The following GCSAML variants were observed in gnomAD, a reference collection of about 807,000 sequenced individuals.
GCSAML encodes germinal center associated signaling and motility like, also known as germinal center-associated signaling and motility-like protein.
GCSAML carries 9 observed loss-of-function variants against 13.0 expected under a neutral mutation model. The observed-to-expected ratio is 0.69, with a 90% confidence interval of 0.42 to 1.21. The LOEUF is 1.21. GCSAML is among the 50% of genes most tolerant of loss of function. The pLI is 0.00. For missense variants in GCSAML, 143 were observed against 153.4 expected (o/e 0.93, Z 0.36); for synonymous variants, 37 against 52.9 (o/e 0.70, Z 1.31).
At chr1:247,562,647 T>C (rs981425675) in intron 2 of GCSAML, among the ~76,000 whole-genome samples, 2 of 152,118 alleles carry the variant, frequency 1.3e-5, no homozygotes, top group African/African-American at 4.8e-5. Flanking sequence ...GGCAGCTGAT[T>C]ACAAGTTATA....
chr1:247,569,256 G>C lies in GCSAML; in HGVS notation c.168+3297G>C, dbSNP rs185397228. 1.2e-3 allele frequency among the ~76,000 whole-genome samples: 176 copies of C among 152,276 alleles called. 2 individuals carry two copies. The highest frequency in any genetic ancestry group is 0.011 in the Admixed American group (161 of 15,296). The stretch of plus-strand genomic sequence containing the variant: ...CCCAATACTATGTTGAATAGGAGTG[G>C]AGAGAGAGGGCATACTTTTCTTGTG... On this transcript the variant is annotated intron_variant, in intron 4 of 4. Transcript: ENST00000366488.
chr1:247,563,056 G>T (rs980775228), intron 2 of GCSAML, among the ~76,000 whole-genome samples: 5 of 149,488 alleles, frequency 3.3e-5, no homozygotes, highest in Non-Finnish European at 5.9e-5. Flanking sequence ...CACCGTGTTG[G>T]CCAGGAAGGT....
At chr1:247,520,604 C>T (rs1666380748) in intron 1 of GCSAML, among the ~76,000 whole-genome samples, 1 of 152,116 alleles carries the variant, frequency 6.6e-6, no homozygotes, top group Admixed American at 6.5e-5. Context: ...CTACAAACTT[C>T]CCAGAAGTTA....
chr1:247,519,697 G>A (rs1666349068), intron 1 of GCSAML, among the ~76,000 whole-genome samples: 1 of 152,248 alleles, frequency 6.6e-6, no homozygotes, highest in Non-Finnish European at 1.5e-5. Context: ...GTGTATATGT[G>A]TGTGTGAAAT....
At chr1:247,550,672 T>C (rs1404243882) in intron 1 of GCSAML, among the ~76,000 whole-genome samples, 1 of 151,666 alleles carries the variant, frequency 6.6e-6, no homozygotes, top group East Asian at 1.9e-4. Context: ...TGCTTAAGGG[T>C]TCATGGATGG....
chr1:247,539,761 A>G (rs1190996217), intron 2 of GCSAML, among the ~76,000 whole-genome samples: 2 of 152,176 alleles, frequency 1.3e-5, no homozygotes, highest in African/African-American at 4.8e-5. Flanking sequence ...CCAGATTACA[A>G]TCATTTTTAC....
chr1:247,535,431 A>G (rs1284700940), intron 2 of GCSAML, among the ~76,000 whole-genome samples: 1 of 152,244 alleles, frequency 6.6e-6, no homozygotes, highest in Non-Finnish European at 1.5e-5. Context: ...AGAGTTAGGT[A>G]CAACTGAGTC....
chr1:247,520,042 T>G (rs12727848), intron 1 of GCSAML, among the ~76,000 whole-genome samples: 21,944 of 152,200 alleles, frequency 0.14, 1,688 homozygotes, highest in South Asian at 0.24. Flanking sequence ...ATTTTAAGAT[T>G]TAGTGGCAAG....
intron 2 of GCSAML, chr1:247,531,610 G>A: frequency 6.2e-7 from 1 of 1,614,116 alleles, no homozygotes; most frequent in Non-Finnish European, 8.5e-7. Context: ...GTGCCGGAGG[G>A]CGCTCTTCAC....
chr1:247,574,191 A>C lies in GCSAML; in HGVS notation c.217A>C (p.Asn73His), dbSNP rs115796168. 6.8e-3 allele frequency: 10,973 copies of C among 1,613,994 alleles called. 52 individuals carry two copies. Among genetic ancestry groups the C allele is most frequent in the Non-Finnish European group, 8.2e-3 (9,658 of 1,179,846 alleles). Residue 73 changes from asparagine (N) to histidine (H), a missense_variant, in exon 5 of 5, where the codon AAT (asparagine) becomes CAT (histidine). By Grantham distance (68) the Asn-to-His change is moderately conservative. Coordinates refer to ENST00000366488, the MANE Select transcript of GCSAML (RefSeq NM_145278.5). ...TGAAGAAGTGTGCTACACTGTCATTAATCACATCCCCCATCAGAGATCCTC... is the reference window on the plus strand; with the variant it reads ...TGAAGAAGTGTGCTACACTGTCATTCATCACATCCCCCATCAGAGATCCTC... ...GSEEVCYTVI[N>H]HIPHQRSSLS...
At chr1:247,532,379 T>G in intron 2 of GCSAML, 1 of 1,614,152 alleles carries the variant, frequency 6.2e-7, no homozygotes, top group Non-Finnish European at 8.5e-7. Flanking sequence ...AGAATGATGA[T>G]GCCATTGCCC....
chr1:247,548,123 T>C (rs1052270037), upstream of GCSAML, among the ~76,000 whole-genome samples: 1 of 152,234 alleles, frequency 6.6e-6, no homozygotes, highest in African/African-American at 2.4e-5. This position sits in a 1 kb window ranked among gnomAD's most constrained non-coding sequence, Gnocchi z 5.3. Flanking sequence ...GAGCATATAG[T>C]TTCTGATTTC....
rs900855058 is a variant in GCSAML, at chr1:247,576,362, C to G, written c.*1980C>G. 6.6e-6 allele frequency: 1 copy of G among 152,110 alleles called. No individual in the cohort carries two copies. Among genetic ancestry groups the G allele is most frequent in the African/African-American group, 2.4e-5 (1 of 41,396 alleles). 9.4% of individuals were successfully genotyped at this position (152,110 alleles called of 1,614,324 possible). A position where few individuals can be genotyped will look rare whatever the true frequency, so the allele number is the denominator to read the frequency against. On this transcript the variant is annotated 3_prime_UTR_variant, in exon 5 of 5. Coordinates refer to ENST00000366488, the MANE Select transcript of GCSAML (RefSeq NM_145278.5). The stretch of plus-strand genomic sequence containing the variant: ...GAGTTTGAGGCCAGACTGCACAACA[C>G]AGTGAGACCTCGTTTCTACAAATAA...
chr1:247,568,657 G>A (rs1474751057), intron 4 of GCSAML, among the ~76,000 whole-genome samples: 1 of 151,996 alleles, frequency 6.6e-6, no homozygotes, highest in African/African-American at 2.4e-5. Flanking sequence ...TGGCTATATG[G>A]GCACTTTTTT....
At chr1:247,538,547 A>T (rs1235006142) in intron 2 of GCSAML, 2 of 331,496 alleles carry the variant, frequency 6.0e-6, no homozygotes, top group Non-Finnish European at 1.2e-5. Flanking sequence ...GGGGATAATT[A>T]TGAGTAAATG....
upstream of GCSAML, among the ~76,000 whole-genome samples, chr1:247,546,496 C>A (rs1438528214): frequency 6.6e-6 from 1 of 151,972 alleles, no homozygotes; most frequent in Non-Finnish European, 1.5e-5. Context: ...GTAGCTGGGA[C>A]TACAGGTGCC....
chr1:247,522,392 G>T (rs1666482927), intron 1 of GCSAML, among the ~76,000 whole-genome samples: 1 of 152,042 alleles, frequency 6.6e-6, no homozygotes, highest in Non-Finnish European at 1.5e-5. Context: ...CCTCTGCCCG[G>T]CCGCCACCCC....
At position 247,576,751 on chromosome 1, in the gene GCSAML, G is replaced by A. The variant is rs1297190572; in HGVS notation, c.*2369G>A. 2 of 152,118 alleles carry A rather than the reference G, an allele frequency of 1.3e-5. No homozygotes were observed. The highest frequency in any genetic ancestry group is 2.9e-5 in the Non-Finnish European group (2 of 68,014). 9.4% of individuals were successfully genotyped at this position (152,118 alleles called of 1,614,324 possible). ...TTTAATGTGCGGAAGGGAAACAATAGAAATTTTGCAATTCTAGAAAAGTCA... is the reference window on the plus strand; with the variant it reads ...TTTAATGTGCGGAAGGGAAACAATAAAAATTTTGCAATTCTAGAAAAGTCA... On this transcript the variant is annotated 3_prime_UTR_variant, in exon 5 of 5. Transcript: ENST00000366488.
At chr1:247,507,788 A>C (rs1354792839) in intron 1 of GCSAML, among the ~76,000 whole-genome samples, 3 of 152,068 alleles carry the variant, frequency 2.0e-5, no homozygotes. Flanking sequence ...TTCTTGTGTT[A>C]GTTTGCTGAT....
Sources: allele counts gnomAD v4.1 joint callset (sites outside exome capture counted in the v4.1 genomes callset), GRCh38; gene constraint gnomAD v4.1.1; non-coding constraint Gnocchi (gnomAD v3.1); transcripts MANE v1.5; gene names NCBI Gene and HGNC (gene_info 2026-07-23, HGNC 2026-07-21).